TAPBPL: variants seen among roughly 807,000 people sequenced by gnomAD.
TAPBPL encodes the protein tapasin-related protein.
TAPBPL carries 32 observed loss-of-function variants against 44.8 expected under a neutral mutation model. That is an observed-to-expected ratio of 0.71 (90% confidence interval 0.54 to 0.96). The LOEUF (loss-of-function observed/expected upper bound fraction) is 0.96, where lower values mean the gene tolerates loss of function less well. Ranked by LOEUF, TAPBPL falls within the 40% of genes least tolerant of loss-of-function variation. The pLI is 0.00. For synonymous variants in TAPBPL, 230 were observed against 240.7 expected (o/e 0.96, Z 0.41); for missense variants, 520 against 586.6 (o/e 0.89, Z 1.17).
chr12:6,467,317 T>A (rs1016647499), downstream of TAPBPL, among the ~76,000 whole-genome samples: 30 of 152,268 alleles, frequency 2.0e-4, 1 homozygote, highest in African/African-American at 6.7e-4. Context: ...GCGGGAAAGT[T>A]TGGAACCTCC....
chr12:6,452,689 A>T (rs902095129), intron 1 of TAPBPL: 1 of 1,043,756 alleles, frequency 9.6e-7, no homozygotes, highest in Non-Finnish European at 1.3e-6. Flanking sequence ...GGGAGAAAGC[A>T]GTGCAGGCTG....
chr12:6,464,939 C>G (rs114738680), downstream of TAPBPL: 6 of 1,613,816 alleles, frequency 3.7e-6, no homozygotes, highest in South Asian at 4.4e-5. Flanking sequence ...GCATGATCAT[C>G]ATCTGAGGAA....
chr12:6,452,464 G>A, intron 1 of TAPBPL, 152 bp downstream of exon 1: 3 of 1,451,714 alleles, frequency 2.1e-6, no homozygotes, highest in Non-Finnish European at 9.1e-7. Context: ...GGCTGGCAAA[G>A]GAAGGAACCA....
chr12:6,455,174 CTCA>C lies in TAPBPL; in HGVS notation c.565+1460_565+1462del, dbSNP rs202197811. On this transcript the variant is annotated intron_variant, in intron 3 of 6. Coordinates refer to ENST00000266556, the MANE Select transcript of TAPBPL (RefSeq NM_018009.5). Reference sequence around the variant, plus strand: ...TGCCACATTCTCTCTCCCCCGACTCCTCATGTGTGTATATGTGTACGTGTGTAT... The same window carrying C: ...TGCCACATTCTCTCTCCCCCGACTCCTGTGTGTATATGTGTACGTGTGTAT... Among the ~76,000 whole-genome samples the C allele has an allele frequency of 1.3e-4, 20 of 152,032 alleles. No homozygotes were observed. The East Asian group carries it at 3.8e-3, about 29-fold the overall frequency.
At chr12:6,461,034 A>C (rs1360580998) in intron 6 of TAPBPL, 96 bp downstream of exon 6, 2 of 1,567,982 alleles carry the variant, frequency 1.3e-6, no homozygotes, top group Non-Finnish European at 1.7e-6. Context: ...AGATGCCCCA[A>C]GCTCCAGCCA....
chr12:6,470,799 C>A, downstream of TAPBPL: 1 of 543,560 alleles, frequency 1.8e-6, no homozygotes, highest in Non-Finnish European at 3.3e-6. Flanking sequence ...CTAGCCCGCC[C>A]CGCCCCTGCC....
chr12:6,459,780 CTT>C, intron 5 of TAPBPL, among the ~76,000 whole-genome samples: 1 of 149,896 alleles, frequency 6.7e-6, no homozygotes, highest in Non-Finnish European at 1.5e-5. Flanking sequence ...TTTTATTTTA[CTT>C]TTTTTCGATA....
At chr12:6,470,046 G>A (rs1175022837), downstream of TAPBPL, among the ~76,000 whole-genome samples, 4 of 152,198 alleles carry the variant, frequency 2.6e-5, no homozygotes, top group Non-Finnish European at 5.9e-5. Context: ...AGGGGGGCTA[G>A]ACATCACACT....
intron 6 of TAPBPL, 27 bp downstream of exon 6, chr12:6,460,965 G>T (rs773120822): frequency 2.5e-6 from 4 of 1,613,490 alleles, no homozygotes; most frequent in Non-Finnish European, 3.4e-6. Flanking sequence ...CCTTGGCTCT[G>T]GCCCTGGCCC....
downstream of TAPBPL, chr12:6,470,544 G>C (rs375352466): frequency 2.9e-5 from 46 of 1,613,922 alleles, no homozygotes; most frequent in Non-Finnish European, 3.7e-5. Flanking sequence ...TTCTGACAGA[G>C]AGAGTGAGGG....
In TAPBPL at chr12:6,453,455, G is replaced by T. The variant is rs370819999; in HGVS notation, c.304G>T (p.Val102Phe). ...PIIFEASVDL[V>F]QIPQAEALLH... is the part of the protein sequence containing the mutation. Reference sequence around the variant, plus strand: ...GCCCTGCTTCTCCCCAGTGGACCTGGTCCAGATTCCCCAGGCCGAGGCCTT... The same window carrying T: ...GCCCTGCTTCTCCCCAGTGGACCTGTTCCAGATTCCCCAGGCCGAGGCCTT... The change falls in exon 3 of 7, where the codon GTC becomes TTC. Residue 102 changes from valine (V) to phenylalanine (F), a missense_variant. Transcript: ENST00000266556. This position sits in a 1 kb window ranked among gnomAD's most constrained non-coding sequence, Gnocchi z 4.8. The T allele has an allele frequency of 1.2e-6, 2 of 1,614,068 alleles. No homozygotes were observed. The highest frequency in any genetic ancestry group is 1.7e-6 in the Non-Finnish European group (2 of 1,179,986).
chr12:6,457,319 T>G (rs1592134361), intron 3 of TAPBPL, 87 bp from the exon 4 acceptor site: 1 of 1,316,174 alleles, frequency 7.6e-7, no homozygotes, highest in Non-Finnish European at 1.1e-6. Context: ...GAGGCAGGTG[T>G]ATGCCCACAA....
downstream of TAPBPL, chr12:6,464,813 G>T: frequency 6.4e-7 from 1 of 1,558,020 alleles, no homozygotes. Context: ...CCACTCCCCA[G>T]GCAGGCAGGC....
chr12:6,452,081 T>C lies in TAPBPL; in HGVS notation c.-168T>C, dbSNP rs1949560013. On this transcript the variant is annotated 5_prime_UTR_variant, in exon 1 of 7. Coordinates refer to ENST00000266556, the MANE Select transcript of TAPBPL (RefSeq NM_018009.5). ...AGGGACGCGGGCTGCCATCTTGCTCTAAGTGAAAGTGAAAGAAAAGTCGGC... is the reference window on the plus strand; with the variant it reads ...AGGGACGCGGGCTGCCATCTTGCTCCAAGTGAAAGTGAAAGAAAAGTCGGC... 3.8e-6 allele frequency: 3 copies of C among 779,904 alleles called. No homozygotes were observed. The allele number at this position is 779,904 out of a possible 1,614,324, so 48.3% of individuals were successfully genotyped here.
chr12:6,457,291 G>A lies in TAPBPL; in HGVS notation c.566-115G>A, dbSNP rs373420283. ...CATGTGATGGAAAATAAGCTCAACCGGCCTGTCAGGCGAGGAAGAGGCAGG... is the reference window on the plus strand; with the variant it reads ...CATGTGATGGAAAATAAGCTCAACCAGCCTGTCAGGCGAGGAAGAGGCAGG... On this transcript the variant is annotated intron_variant, in intron 3 of 6. Coordinates refer to ENST00000266556, the MANE Select transcript of TAPBPL (RefSeq NM_018009.5). The A allele has an allele frequency of 4.2e-4, 402 of 967,184 alleles. 2 individuals carry two copies. The East Asian group carries it at 8.4e-3, about 20-fold the overall frequency. The allele number at this position is 967,184 out of a possible 1,614,324, so 59.9% of individuals were successfully genotyped here.
chr12:6,464,139 G>C, downstream of TAPBPL: 1 of 1,379,278 alleles, frequency 7.3e-7, no homozygotes, highest in Non-Finnish European at 9.6e-7. Flanking sequence ...AGCTTCATGG[G>C]TACTTCGCCT....
At chr12:6,469,704 A>T (rs2137015323), downstream of TAPBPL, among the ~76,000 whole-genome samples, 1 of 152,340 alleles carries the variant, frequency 6.6e-6, no homozygotes, top group Non-Finnish European at 1.5e-5. Flanking sequence ...AAAAATCTGT[A>T]TTAGACATAT....
chr12:6,471,172 G>C (rs1304669075), downstream of TAPBPL, among the ~76,000 whole-genome samples: 3 of 152,206 alleles, frequency 2.0e-5, no homozygotes, highest in Non-Finnish European at 4.4e-5. This position sits in a 1 kb window ranked among gnomAD's most constrained non-coding sequence, Gnocchi z 4.0. Context: ...GAGGGTGCAG[G>C]AGCCTCGAGA....
downstream of TAPBPL, among the ~76,000 whole-genome samples, chr12:6,469,078 A>G (rs1945703603): frequency 6.6e-6 from 1 of 152,236 alleles, no homozygotes; most frequent in Non-Finnish European, 1.5e-5. Context: ...AACTCCTCAG[A>G]GAGGCTATGG....
Sources: gnomAD v4.1 joint callset for allele counts (sites outside exome capture counted in the v4.1 genomes callset) on GRCh38, gnomAD v4.1.1 for gene constraint, Gnocchi (gnomAD v3.1) non-coding constraint, MANE v1.5 for transcripts, NCBI Gene and HGNC (gene_info 2026-07-23, HGNC 2026-07-21) for gene names.